Variants in PTPRT observed in about 807,000 individuals in gnomAD.
The protein encoded by PTPRT is protein tyrosine phosphatase receptor type T.
Under a neutral mutation model 176.8 loss-of-function variants are expected in PTPRT, and 56 were observed. The ratio of observed to expected loss-of-function variants is 0.32; its 90% CI spans 0.26 to 0.40. PTPRT has a LOEUF of 0.40. PTPRT is among the 10% of genes least tolerant of loss of function. The pLI, the probability that PTPRT is intolerant of heterozygous loss-of-function variation, is 1.00. For missense variants in PTPRT, 1,540 were observed against 1,908.2 expected (o/e 0.81, Z 3.60); for synonymous variants, 783 against 739.0 (o/e 1.06, Z -0.96).
At chr20:42,758,894 G>T (rs77958459) in intron 5 of PTPRT, among the ~76,000 whole-genome samples, 3,012 of 152,292 alleles carry the variant, frequency 0.02, 92 homozygotes, top group African/African-American at 0.07. Context: ...TCACTTGGGC[G>T]GAAACTGCCA....
At chr20:43,046,329 T>C (rs1411348591) in intron 1 of PTPRT, among the ~76,000 whole-genome samples, 8 of 151,984 alleles carry the variant, frequency 5.3e-5, no homozygotes, top group Non-Finnish European at 1.2e-4. Context: ...CCCAGCACTT[T>C]GGGAGGCTGA....
At chr20:42,485,873 G>A (rs1313079381) in intron 7 of PTPRT, among the ~76,000 whole-genome samples, 1 of 152,162 alleles carries the variant, frequency 6.6e-6, no homozygotes, top group Non-Finnish European at 1.5e-5. Flanking sequence ...ACTTTCAAAT[G>A]AAAACCACTG....
Position 42,115,187 on chromosome 20 carries a change from C to G in PTPRT, c.3099+12G>C. 1 of 1,603,834 alleles carries G rather than the reference C, an allele frequency of 6.2e-7. No homozygotes were observed. Among genetic ancestry groups the G allele is most frequent in the Non-Finnish European group, 8.5e-7 (1 of 1,170,760 alleles). ...TGGTGGACCGGCTGCCCACAGCCTCCAAGAAGCTTACCTTCTGGACTGTGA... is the reference window on the plus strand; with the variant it reads ...TGGTGGACCGGCTGCCCACAGCCTCGAAGAAGCTTACCTTCTGGACTGTGA... On this transcript the variant is annotated intron_variant, in intron 22 of 30. Coordinates refer to ENST00000373187, the MANE Select transcript of PTPRT (RefSeq NM_007050.6).
At chr20:43,081,010 T>C (rs910396447) in intron 1 of PTPRT, among the ~76,000 whole-genome samples, 7 of 152,224 alleles carry the variant, frequency 4.6e-5, no homozygotes, top group South Asian at 2.1e-4. Context: ...TCCAGTGATA[T>C]ATGATTTTTT....
intron 5 of PTPRT, among the ~76,000 whole-genome samples, chr20:42,770,338 G>C (rs1293999844): frequency 6.6e-6 from 1 of 152,170 alleles, no homozygotes; most frequent in Non-Finnish European, 1.5e-5. Context: ...ACAGCCACAT[G>C]TAGTTAGTGG....
chr20:42,526,960 T>C (rs868151151), intron 7 of PTPRT, among the ~76,000 whole-genome samples: 2 of 122,734 alleles, frequency 1.6e-5, no homozygotes, highest in African/African-American at 3.4e-5. Context: ...TTTTTTCTTT[T>C]TTTTTTTTTT....
At position 42,098,391 on chromosome 20, in the gene PTPRT, C is replaced by A. The variant is rs6029969; in HGVS notation, c.3846+30G>T. 4.3e-3 allele frequency: 6,970 copies of A among 1,612,458 alleles called. 265 individuals carry two copies. In the African/African-American group the frequency reaches 0.081, roughly 19 times the overall value. ...GGTTTAGAGCATGGCCCCCCTGACC[C>A]ACCTAGGGCTTGGCTTGGCCTCCTC... On this transcript the variant is annotated intron_variant, in intron 27 of 30. Coordinates refer to ENST00000373187, the MANE Select transcript of PTPRT (RefSeq NM_007050.6).
In PTPRT at chr20:42,749,971, C is replaced by T. The variant is rs111661942; in HGVS notation, c.859+6491G>A. On this transcript the variant is annotated intron_variant, in intron 6 of 30. Coordinates refer to ENST00000373187, the MANE Select transcript of PTPRT (RefSeq NM_007050.6). ...TGTTGCCATCCTAAAATGTAGGCTC[C>T]AGGTAGCTATGCCTGATACAGTCTC... 3.9e-3 allele frequency among the ~76,000 whole-genome samples: 592 copies of T among 152,182 alleles called. 6 individuals carry two copies. The highest frequency in any genetic ancestry group is 0.014 in the African/African-American group (572 of 41,496).
intron 9 of PTPRT, among the ~76,000 whole-genome samples, chr20:42,386,292 G>T (rs764121968): frequency 6.6e-6 from 1 of 152,090 alleles, no homozygotes; most frequent in African/African-American, 2.4e-5. Context: ...AGAGTGACAG[G>T]GTTAGATTTT....
At chr20:42,939,544 A>G (rs1350159742) in intron 1 of PTPRT, among the ~76,000 whole-genome samples, 1 of 152,062 alleles carries the variant, frequency 6.6e-6, no homozygotes, top group East Asian at 1.9e-4. Context: ...TGGTGTTGAG[A>G]CACTGTTTTT....
chr20:42,611,431 A>G (rs1485142207), intron 7 of PTPRT, among the ~76,000 whole-genome samples: 1 of 152,182 alleles, frequency 6.6e-6, no homozygotes, highest in Middle Eastern at 3.2e-3. Context: ...GGCAGGCACT[A>G]CCATCCCAAT....
At chr20:42,084,565 G>T in intron 29 of PTPRT, 117 bp downstream of exon 29, 1 of 900,300 alleles carries the variant, frequency 1.1e-6, no homozygotes, top group Non-Finnish European at 1.5e-6. Flanking sequence ...TTTGAGGGAT[G>T]TTGAGTTGTG....
chr20:42,474,355 G>C (rs2071250747), intron 7 of PTPRT, among the ~76,000 whole-genome samples: 1 of 152,190 alleles, frequency 6.6e-6, no homozygotes, highest in Non-Finnish European at 1.5e-5. Context: ...CCTGTAACTT[G>C]TGTCGGCGTC....
intron 7 of PTPRT, among the ~76,000 whole-genome samples, chr20:42,566,917 T>C (rs2073049269): frequency 6.6e-6 from 1 of 152,196 alleles, no homozygotes; most frequent in African/African-American, 2.4e-5. Flanking sequence ...GGGGACTCTC[T>C]ATATTATCTT....
intron 17 of PTPRT, among the ~76,000 whole-genome samples, chr20:42,147,827 G>A (rs1048396524): frequency 2.0e-5 from 3 of 152,202 alleles, no homozygotes; most frequent in Non-Finnish European, 2.9e-5. Flanking sequence ...AAAAGCAGAG[G>A]AGGGATGCCT....
intron 9 of PTPRT, among the ~76,000 whole-genome samples, chr20:42,391,924 G>A (rs889606448): frequency 3.3e-5 from 5 of 152,202 alleles, no homozygotes; most frequent in East Asian, 3.9e-4. Context: ...TTCTAATGTC[G>A]GATGCCCTAC....
In PTPRT at chr20:42,876,795, G is replaced by A. The variant is rs568875903; in HGVS notation, c.214+9012C>T. 3.3e-5 allele frequency among the ~76,000 whole-genome samples: 5 copies of A among 152,238 alleles called. No homozygotes were observed. The South Asian group carries it at 1.0e-3, about 32-fold the overall frequency. ...TGCAGGATACAAGGAATTCAGCAAC[G>A]AGAGGCAGTCCATACCCTGCAGCCA... On this transcript the variant is annotated intron_variant, in intron 2 of 30. Coordinates refer to ENST00000373187, the MANE Select transcript of PTPRT (RefSeq NM_007050.6).
At chr20:43,167,352 A>G (rs1476723518) in intron 1 of PTPRT, among the ~76,000 whole-genome samples, 2 of 152,142 alleles carry the variant, frequency 1.3e-5, no homozygotes, top group African/African-American at 2.4e-5. Context: ...TCATCTCCCA[A>G]TTTCAGTCTC....
intron 8 of PTPRT, 73 bp from the exon 9 acceptor site, chr20:42,448,402 G>C: frequency 8.4e-7 from 1 of 1,185,090 alleles, no homozygotes; most frequent in Non-Finnish European, 1.3e-6. Context: ...ACCTAGAACA[G>C]GGGTTGACAA....
Sources: allele counts gnomAD v4.1 joint callset (sites outside exome capture counted in the v4.1 genomes callset), GRCh38; gene constraint gnomAD v4.1.1; transcripts MANE v1.5; gene names NCBI Gene and HGNC (gene_info 2026-07-23, HGNC 2026-07-21).